PCMTD1: variants seen among roughly 807,000 people sequenced by gnomAD.
PCMTD1 encodes the protein protein-L-isoaspartate O-methyltransferase domain-containing protein 1.
PCMTD1 carries 12 observed loss-of-function variants against 37.6 expected under a neutral mutation model. That is an observed-to-expected ratio of 0.32 (90% confidence interval 0.20 to 0.52). The LOEUF (loss-of-function observed/expected upper bound fraction) is 0.52, where lower values mean the gene tolerates loss of function less well. PCMTD1 is among the 20% of genes least tolerant of loss of function. The pLI is 0.97. For missense variants in PCMTD1, 235 were observed against 421.3 expected (o/e 0.56, Z 3.87); for synonymous variants, 117 against 135.8 (o/e 0.86, Z 0.96).
intron 2 of PCMTD1, among the ~76,000 whole-genome samples, chr8:51,847,062 TTTCC>T (rs1298625330): frequency 6.6e-6 from 1 of 152,230 alleles, no homozygotes; most frequent in African/African-American, 2.4e-5. Flanking sequence ...TTTTTGCTTG[TTTCC>T]TTCCTTATGA....
At chr8:51,887,745 CT>C (rs11438175) in intron 1 of PCMTD1, among the ~76,000 whole-genome samples, 153 of 136,258 alleles carry the variant, frequency 1.1e-3, no homozygotes, top group African/African-American at 3.3e-3. Context: ...TTCATAATTT[CT>C]TTTTTTTTTT....
intron 4 of PCMTD1, 146 bp downstream of exon 4, chr8:51,833,371 GT>G: frequency 3.7e-6 from 2 of 547,538 alleles, no homozygotes; most frequent in Non-Finnish European, 5.8e-6. Flanking sequence ...GATGTTTCAA[GT>G]TTTTTCTAAA....
chr8:51,855,173 TCAAAAAAAAAAAAAAACAAA>T (rs1246637065), intron 2 of PCMTD1, among the ~76,000 whole-genome samples: 1 of 78,830 alleles, frequency 1.3e-5, no homozygotes, highest in Admixed American at 1.7e-4. Flanking sequence ...AAACTCCATC[TCAAAAAAAAAAAAAAACAAA>T]CAAAAAAAAA....
intron 5 of PCMTD1, among the ~76,000 whole-genome samples, chr8:51,821,007 T>G (rs1434183994): frequency 6.6e-6 from 1 of 152,206 alleles, no homozygotes; most frequent in East Asian, 1.9e-4. Flanking sequence ...ACAGGGTACA[T>G]GACTGTGAAG....
chr8:51,865,734 T>C (rs996603628), intron 1 of PCMTD1, among the ~76,000 whole-genome samples: 6 of 151,952 alleles, frequency 3.9e-5, no homozygotes, highest in African/African-American at 1.2e-4. Flanking sequence ...TGATGAAAAG[T>C]TGAAAGGTTT....
intron 1 of PCMTD1, among the ~76,000 whole-genome samples, chr8:51,893,339 C>T (rs1178601775): frequency 1.3e-5 from 2 of 152,044 alleles, no homozygotes; most frequent in Admixed American, 6.6e-5. Flanking sequence ...CCATTAACAT[C>T]GATAGATTAT....
intron 2 of PCMTD1, 86 bp downstream of exon 2, chr8:51,860,759 A>C: frequency 2.6e-6 from 3 of 1,146,356 alleles, no homozygotes; most frequent in Non-Finnish European, 3.6e-6. Flanking sequence ...AACATACTGT[A>C]CACAAAGTTA....
rs1244981299 is a variant in PCMTD1, at chr8:51,898,937, G to A, written c.-103C>T. On this transcript the variant is annotated 5_prime_UTR_variant, in exon 1 of 6. Transcript: ENST00000522514. ...CACTGGCGGCGGCGTTACCTGTGGC[G>A]CGGGCAGCGGCGCGCAGGCCAGGCG... 1.4e-6 allele frequency: 2 copies of A among 1,388,606 alleles called. No homozygotes were observed. Among genetic ancestry groups the A allele is most frequent in the South Asian group, 1.6e-5 (1 of 62,420 alleles). The allele number at this position is 1,388,606 out of a possible 1,614,324, so 86.0% of individuals were successfully genotyped here. A position where few individuals can be genotyped will look rare whatever the true frequency, so the allele number is the denominator to read the frequency against.
intron 1 of PCMTD1, among the ~76,000 whole-genome samples, chr8:51,878,970 T>G (rs547540361): frequency 6.6e-5 from 10 of 151,982 alleles, no homozygotes; most frequent in African/African-American, 2.4e-4. Flanking sequence ...ATAAAACATT[T>G]AAAATATTAG....
chr8:51,866,502 A>C lies in PCMTD1; in HGVS notation c.-95-5256T>G, dbSNP rs189550495. ...TATTTATGGTCAATTAATTTTCAAC[A>C]AGGATACCAAGAACACACCATTAAG... On this transcript the variant is annotated intron_variant, in intron 1 of 5. Transcript: ENST00000522514. Among the ~76,000 whole-genome samples, 6 of 152,088 alleles carry C rather than the reference A, an allele frequency of 3.9e-5. No individual in the cohort carries two copies. In the East Asian group the frequency reaches 1.2e-3, roughly 29 times the overall value.
At chr8:51,894,948 A>C (rs1406238857) in intron 1 of PCMTD1, among the ~76,000 whole-genome samples, 1 of 152,228 alleles carries the variant, frequency 6.6e-6, no homozygotes, top group East Asian at 1.9e-4. Context: ...CTACTGATTC[A>C]AGATTACAAA....
intron 2 of PCMTD1, among the ~76,000 whole-genome samples, chr8:51,848,032 T>C (rs927907108): frequency 2.0e-5 from 3 of 151,990 alleles, no homozygotes; most frequent in African/African-American, 4.8e-5. Flanking sequence ...AGTGAGTTAG[T>C]TGTGTTGCTG....
chr8:51,855,174 C>CAAAAA (rs1306890644), intron 2 of PCMTD1, among the ~76,000 whole-genome samples: 1 of 41,898 alleles, frequency 2.4e-5, no homozygotes, highest in Non-Finnish European at 5.3e-5. Context: ...AACTCCATCT[C>CAAAAA]AAAAAAAAAA....
At chr8:51,851,190 C>T (rs558670468) in intron 2 of PCMTD1, among the ~76,000 whole-genome samples, 43 of 152,262 alleles carry the variant, frequency 2.8e-4, no homozygotes, top group South Asian at 1.7e-3. Flanking sequence ...AAGATCAGAC[C>T]TTGTTATTTG....
At position 51,859,381 on chromosome 8, in the gene PCMTD1, C is replaced by T. The variant is rs537141058; in HGVS notation, c.307+1464G>A. Among the ~76,000 whole-genome samples, 4 of 152,216 alleles carry T rather than the reference C, an allele frequency of 2.6e-5. No individual in the cohort carries two copies. The South Asian group carries it at 8.3e-4, about 32-fold the overall frequency. ...GGAAGTTCCAACCTGTTAAGAAATT[C>T]CTGTCTCAGGACAGGGAGGAGCGCC... is the stretch of plus-strand genomic sequence containing the variant. On this transcript the variant is annotated intron_variant, in intron 2 of 5. Transcript: ENST00000522514.
chr8:51,839,699 G>GT, intron 3 of PCMTD1: 2 of 819,934 alleles, frequency 2.4e-6, no homozygotes, highest in African/African-American at 3.7e-5. Context: ...CTGACAATTT[G>GT]CACACCTAGT....
chr8:51,863,448 GACAA>G (rs2038504344), intron 1 of PCMTD1, among the ~76,000 whole-genome samples: 1 of 152,192 alleles, frequency 6.6e-6, no homozygotes, highest in Admixed American at 6.5e-5. Context: ...ACCATTTACT[GACAA>G]ACACTGTACT....
intron 1 of PCMTD1, among the ~76,000 whole-genome samples, chr8:51,894,752 G>A (rs1257221048): frequency 6.8e-6 from 1 of 146,392 alleles, no homozygotes; most frequent in Non-Finnish European, 1.5e-5. Context: ...ACTGAAGAAA[G>A]ATAGAAGAAA....
chr8:51,834,714 GTAAT>G (rs760592322), intron 3 of PCMTD1, among the ~76,000 whole-genome samples: 3 of 152,116 alleles, frequency 2.0e-5, no homozygotes, highest in Non-Finnish European at 4.4e-5. Flanking sequence ...CTGTCCTTTA[GTAAT>G]TAATAGACTT....
Sources: allele counts gnomAD v4.1 joint callset (sites outside exome capture counted in the v4.1 genomes callset), GRCh38; gene constraint gnomAD v4.1.1; transcripts MANE v1.5; gene names NCBI Gene and HGNC (gene_info 2026-07-23, HGNC 2026-07-21).